Variants in STK33 observed in about 807,000 individuals in gnomAD.
STK33 encodes the protein serine/threonine kinase 33.
Under a neutral mutation model 58.0 loss-of-function variants are expected in STK33, and 52 were observed. The ratio of observed to expected loss-of-function variants is 0.90; its 90% CI spans 0.72 to 1.13. The LOEUF (loss-of-function observed/expected upper bound fraction) is 1.13, where lower values mean the gene tolerates loss of function less well. Ranked by LOEUF, STK33 falls within the 50% of genes most tolerant of loss-of-function variation. STK33 has a pLI of 0.00. For synonymous variants in STK33, 215 were observed against 200.1 expected (o/e 1.07, Z -0.63); for missense variants, 630 against 604.2 (o/e 1.04, Z -0.45).
At chr11:8,427,967 G>T (rs1185651050) in intron 14 of STK33, among the ~76,000 whole-genome samples, 1 of 152,194 alleles carries the variant, frequency 6.6e-6, no homozygotes. Context: ...AGAAGACAAG[G>T]CATGGATCTA....
At chr11:8,370,275 G>A in the STK33 span, among the ~76,000 whole-genome samples, 1 of 151,932 alleles carries the variant, frequency 6.6e-6, no homozygotes, top group Non-Finnish European at 1.5e-5. Context: ...ATAGCTCACT[G>A]CAGCCTCCAA....
At chr11:8,356,963 G>T in the STK33 span, among the ~76,000 whole-genome samples, 6 of 152,184 alleles carry the variant, frequency 3.9e-5, no homozygotes, top group African/African-American at 1.4e-4. Context: ...CCCTGAAGTG[G>T]GGCGGGGCCC....
At chr11:8,344,231 C>CACACACACACACACACACACACA in the STK33 span, among the ~76,000 whole-genome samples, 1 of 30,650 alleles carries the variant, frequency 3.3e-5, no homozygotes, top group African/African-American at 1.1e-4. Context: ...ACACACACAC[C>CACACACACACACACACACACACA]CCAGTTAGCT....
intron 6 of STK33, 164 bp from the exon 7 acceptor site, chr11:8,464,986 C>A: frequency 2.3e-6 from 1 of 427,558 alleles, no homozygotes; most frequent in Non-Finnish European, 4.1e-6. Flanking sequence ...ATAAACACAT[C>A]TTAATTAACC....
chr11:8,340,397 C>A, the STK33 span, among the ~76,000 whole-genome samples: 1 of 152,212 alleles, frequency 6.6e-6, no homozygotes, highest in Non-Finnish European at 1.5e-5. Flanking sequence ...ACAACAGTGC[C>A]TGCCATGAAA....
chr11:8,534,491 G>C (rs180970122), intron 1 of STK33, among the ~76,000 whole-genome samples: 8 of 151,040 alleles, frequency 5.3e-5, no homozygotes, highest in African/African-American at 1.9e-4. Flanking sequence ...TTGATCATAA[G>C]GGTATTATTT....
At chr11:8,461,118 G>A (rs1021259395) in intron 8 of STK33, among the ~76,000 whole-genome samples, 1 of 152,186 alleles carries the variant, frequency 6.6e-6, no homozygotes, top group Non-Finnish European at 1.5e-5. Flanking sequence ...CTTGTCCATG[G>A]TCTCATGGAT....
intron 1 of STK33, among the ~76,000 whole-genome samples, chr11:8,516,079 C>A (rs531406567): frequency 2.2e-4 from 33 of 152,286 alleles, no homozygotes; most frequent in African/African-American, 7.7e-4. Context: ...TCACATGCAA[C>A]CACAAAAGAC....
downstream of STK33, among the ~76,000 whole-genome samples, chr11:8,390,234 G>A (rs1462994060): frequency 1.3e-5 from 2 of 152,028 alleles, no homozygotes; most frequent in Non-Finnish European, 2.9e-5. Flanking sequence ...GTTGGAATGC[G>A]GATCGCTACT....
At chr11:8,366,773 T>A in the STK33 span, among the ~76,000 whole-genome samples, 1 of 152,118 alleles carries the variant, frequency 6.6e-6, no homozygotes. Context: ...CGATGAGAAG[T>A]CATTATCAAT....
chr11:8,579,997 A>AGCC (rs2029869209), intron 1 of STK33, among the ~76,000 whole-genome samples: 1 of 152,218 alleles, frequency 6.6e-6, no homozygotes, highest in Non-Finnish European at 1.5e-5. Context: ...GAGAAAAGGG[A>AGCC]ACCTTCATAC....
intron 15 of STK33, among the ~76,000 whole-genome samples, chr11:8,408,494 A>G (rs529998426): frequency 1.3e-5 from 2 of 152,346 alleles, no homozygotes; most frequent in East Asian, 3.9e-4. Flanking sequence ...ATATCCCCTT[A>G]GAACAAAAGC....
intron 9 of STK33, among the ~76,000 whole-genome samples, chr11:8,455,075 C>A (rs1424083919): frequency 2.4e-4 from 37 of 152,322 alleles, no homozygotes; most frequent in Non-Finnish European, 1.5e-5. Context: ...CTGGCTGCTC[C>A]TCATGATGAG....
the STK33 span, among the ~76,000 whole-genome samples, chr11:8,367,703 T>A: frequency 6.6e-6 from 1 of 152,238 alleles, no homozygotes; most frequent in Non-Finnish European, 1.5e-5. Flanking sequence ...ACTATCACCA[T>A]TCCTATTTTA....
the STK33 span, among the ~76,000 whole-genome samples, chr11:8,379,392 G>A: frequency 6.6e-6 from 1 of 152,114 alleles, no homozygotes; most frequent in Non-Finnish European, 1.5e-5. Flanking sequence ...AGCAAACTAT[G>A]CATCAAACGA....
intron 1 of STK33, among the ~76,000 whole-genome samples, chr11:8,583,456 G>C (rs1386906136): frequency 1.3e-5 from 2 of 152,148 alleles, no homozygotes; most frequent in Non-Finnish European, 2.9e-5. Flanking sequence ...GCTTCATAGG[G>C]AGCAAGTCTT....
intron 1 of STK33, among the ~76,000 whole-genome samples, chr11:8,581,302 G>T (rs1408444969): frequency 6.6e-6 from 1 of 151,946 alleles, no homozygotes; most frequent in Non-Finnish European, 1.5e-5. Context: ...GTATATTTCT[G>T]CATATGAGAT....
the STK33 span, among the ~76,000 whole-genome samples, chr11:8,366,432 AG>A: frequency 6.6e-6 from 1 of 152,254 alleles, no homozygotes; most frequent in South Asian, 2.1e-4. Flanking sequence ...GAGGGAAAGG[AG>A]GGACAAGAGC....
intron 6 of STK33, among the ~76,000 whole-genome samples, chr11:8,471,510 G>A (rs1182639313): frequency 1.3e-5 from 2 of 152,154 alleles, no homozygotes; most frequent in African/African-American, 2.4e-5. Context: ...GTGAGGAGGT[G>A]CTTACATGGA....
Sources: allele counts gnomAD v4.1 joint callset (sites outside exome capture counted in the v4.1 genomes callset), GRCh38; gene constraint gnomAD v4.1.1; transcripts MANE v1.5; gene names NCBI Gene and HGNC (gene_info 2026-07-23, HGNC 2026-07-21).